CNTN3: variants seen among roughly 807,000 people sequenced by gnomAD.
CNTN3 encodes contactin-3.
In CNTN3, 60 loss-of-function variants were observed where a neutral mutation model predicts 119.1. The ratio of observed to expected loss-of-function variants is 0.50; its 90% confidence interval spans 0.41 to 0.62. CNTN3 has a LOEUF of 0.62. Ranked by LOEUF, CNTN3 falls within the 20% of genes least tolerant of loss-of-function variation. The pLI is 0.00. For missense variants in CNTN3, 1,101 were observed against 1,242.4 expected, an observed-to-expected ratio of 0.89 and a Z score of 1.71; for synonymous variants, 450 against 438.7, an observed-to-expected ratio of 1.03 and a Z score of -0.32.
chr3:74,422,755 A>G (rs1438887321), intron 5 of CNTN3, among the ~76,000 whole-genome samples: 1 of 152,202 alleles, frequency 6.6e-6, no homozygotes, highest in Non-Finnish European at 1.5e-5. Flanking sequence ...CATTTGAGAC[A>G]ATATAAATTT....
At chr3:74,402,629 A>G (rs1187480306) in intron 5 of CNTN3, among the ~76,000 whole-genome samples, 3 of 152,204 alleles carry the variant, frequency 2.0e-5, no homozygotes, top group Non-Finnish European at 4.4e-5. Context: ...TGAAAACTTT[A>G]GCAAAGCCCT....
chr3:74,493,028 C>T (rs756170755), intron 3 of CNTN3, among the ~76,000 whole-genome samples: 10 of 152,066 alleles, frequency 6.6e-5, no homozygotes, highest in Admixed American at 6.6e-5. Flanking sequence ...ATAGTCTTCA[C>T]GGACTGTGGT....
In CNTN3 at chr3:74,364,608, T is replaced by A; in HGVS notation, c.1084-12A>T. On this transcript the variant is annotated splice_polypyrimidine_tract_variant and intron_variant, in intron 9 of 22. Coordinates refer to ENST00000263665, the MANE Select transcript of CNTN3 (RefSeq NM_020872.3). ...ATCTGTGTTCTCTCCTAGATGATAA[T>A]AAAAATATCTTTCATATAAACAAAC... The A allele has an allele frequency of 6.3e-7, 1 of 1,588,496 alleles. No individual in the cohort carries two copies. The highest frequency in any genetic ancestry group is 8.6e-7 in the Non-Finnish European group (1 of 1,159,706).
intron 13 of CNTN3, among the ~76,000 whole-genome samples, chr3:74,331,652 T>C (rs569225132): frequency 2.5e-4 from 38 of 152,178 alleles, no homozygotes; most frequent in Non-Finnish European, 4.6e-4. Context: ...GTGCCTATGA[T>C]TGAACTTTTC....
chr3:74,551,414 C>T (rs558420208), intron 1 of CNTN3, among the ~76,000 whole-genome samples: 2 of 152,174 alleles, frequency 1.3e-5, no homozygotes, highest in Non-Finnish European at 1.5e-5. Context: ...ACATCCTCCC[C>T]GAGTATCAAT....
intron 1 of CNTN3, among the ~76,000 whole-genome samples, chr3:74,581,184 T>A (rs1220520922): frequency 4.6e-5 from 7 of 152,008 alleles, no homozygotes; most frequent in Non-Finnish European, 1.0e-4. Flanking sequence ...GGAAAAGAAA[T>A]GTAAAACTGT....
At chr3:74,422,830 C>T (rs956418876) in intron 5 of CNTN3, among the ~76,000 whole-genome samples, 4 of 152,152 alleles carry the variant, frequency 2.6e-5, no homozygotes, top group African/African-American at 4.8e-5. Flanking sequence ...TCTAATATAT[C>T]TCCCTCTTTT....
intron 5 of CNTN3, among the ~76,000 whole-genome samples, chr3:74,382,402 A>G (rs1034539962): frequency 6.6e-6 from 1 of 152,160 alleles, no homozygotes. Flanking sequence ...TTTGAATTAC[A>G]TAATACATTG....
chr3:74,441,830 T>C (rs1254253712), intron 4 of CNTN3, among the ~76,000 whole-genome samples: 1 of 152,158 alleles, frequency 6.6e-6, no homozygotes, highest in Non-Finnish European at 1.5e-5. Context: ...TCGCTGCCTA[T>C]AAAATAAATT....
At position 74,371,205 on chromosome 3, in the gene CNTN3, G is replaced by A. The variant is rs766479438; in HGVS notation, c.649C>T (p.Arg217Cys). The stretch of plus-strand genomic sequence containing the variant: ...GGAGAAGTTTCATTACCATCAGAAC[G>A]TAGCACCAAAGGAGTTGGAGAGCCC... ...VLGSPTPLVLRSDGVMGEYEP... is the reference protein window; with the variant it reads ...VLGSPTPLVLCSDGVMGEYEP... The change falls in exon 6 of 23, where the codon CGT (arginine) becomes TGT (cysteine). Residue 217 changes from arginine to cysteine, a missense_variant. By Grantham distance (180) the Arg-to-Cys change is radical. Coordinates refer to ENST00000263665, the MANE Select transcript of CNTN3 (RefSeq NM_020872.3). 1.5e-5 allele frequency: 24 copies of A among 1,612,318 alleles called. No homozygotes were observed. Among genetic ancestry groups the A allele is most frequent in the African/African-American group, 8.0e-5 (6 of 74,824 alleles).
intron 1 of CNTN3, among the ~76,000 whole-genome samples, chr3:74,608,094 T>C (rs1272954834): frequency 2.6e-5 from 4 of 152,186 alleles, no homozygotes; most frequent in Non-Finnish European, 5.9e-5. Context: ...GAGTTTAAAA[T>C]TACTTTAAAA....
At chr3:74,272,663 A>G (rs910004738) in intron 20 of CNTN3, among the ~76,000 whole-genome samples, 3 of 152,222 alleles carry the variant, frequency 2.0e-5, no homozygotes, top group Non-Finnish European at 2.9e-5. Flanking sequence ...GCCAACAAAT[A>G]GCATTCAGTC....
intron 3 of CNTN3, among the ~76,000 whole-genome samples, chr3:74,496,559 C>T (rs751850915): frequency 6.6e-6 from 1 of 152,010 alleles, no homozygotes; most frequent in Non-Finnish European, 1.5e-5. Flanking sequence ...ACAAGTGGCC[C>T]CTTTAAATGG....
At chr3:74,457,342 G>GT (rs1302311659) in intron 4 of CNTN3, among the ~76,000 whole-genome samples, 1 of 151,918 alleles carries the variant, frequency 6.6e-6, no homozygotes, top group Non-Finnish European at 1.5e-5. Context: ...ATGCATAGGG[G>GT]TTAACAGCCA....
chr3:74,450,656 T>TC (rs1702134083), intron 4 of CNTN3, among the ~76,000 whole-genome samples: 1 of 86,738 alleles, frequency 1.2e-5, no homozygotes, highest in Non-Finnish European at 2.2e-5. Flanking sequence ...ATGCTATCCC[T>TC]CCCCCCTCCC....
At chr3:74,388,962 C>G (rs979804744) in intron 5 of CNTN3, among the ~76,000 whole-genome samples, 1 of 152,164 alleles carries the variant, frequency 6.6e-6, no homozygotes, top group African/African-American at 2.4e-5. Context: ...GATCGATACA[C>G]GTACTCTGGC....
chr3:74,465,537 T>C (rs1269999309), intron 4 of CNTN3, among the ~76,000 whole-genome samples: 1 of 152,218 alleles, frequency 6.6e-6, no homozygotes, highest in Non-Finnish European at 1.5e-5. Flanking sequence ...TGGAAGAATC[T>C]AGAAAGAATG....
intron 1 of CNTN3, among the ~76,000 whole-genome samples, chr3:74,563,871 C>T (rs1287769024): frequency 3.3e-5 from 5 of 152,146 alleles, no homozygotes. Context: ...CCTGAATTAA[C>T]TCTATCTCCC....
chr3:74,321,259 C>T (rs1386288529), intron 13 of CNTN3, among the ~76,000 whole-genome samples: 1 of 151,982 alleles, frequency 6.6e-6, no homozygotes, highest in Non-Finnish European at 1.5e-5. Flanking sequence ...TGTATGTGTG[C>T]CCACTGATCC....
Sources: allele counts gnomAD v4.1 joint callset (sites outside exome capture counted in the v4.1 genomes callset), GRCh38; gene constraint gnomAD v4.1.1; transcripts MANE v1.5; gene names NCBI Gene and HGNC (gene_info 2026-07-23, HGNC 2026-07-21).